ATF5: variants seen among roughly 807,000 people sequenced by gnomAD.
The protein encoded by ATF5 is activating transcription factor 5.
A neutral mutation model predicts 4.6 loss-of-function variants in ATF5; 6 were observed. That is an observed-to-expected ratio of 1.31 (90% CI 0.72 to 2.59). The LOEUF is 2.59. Ranked by LOEUF, ATF5 falls within the 30% of genes most tolerant of loss-of-function variation. The pLI, the probability that ATF5 is intolerant of heterozygous loss-of-function variation, is 0.00. For missense variants in ATF5, 410 were observed against 368.7 expected (o/e 1.11, Z -0.92); for synonymous variants, 193 against 165.0 (o/e 1.17, Z -1.30).
At chr19:49,930,048 C>T (rs2076032872) in intron 1 of ATF5, among the ~76,000 whole-genome samples, 1 of 152,106 alleles carries the variant, frequency 6.6e-6, no homozygotes, top group Non-Finnish European at 1.5e-5. Context: ...GATAGAACCA[C>T]TGTCGTCACG....
At position 49,932,560 on chromosome 19, in the gene ATF5, A is replaced by G. The variant is rs760951111; in HGVS notation, c.317A>G (p.Lys106Arg). ...PDLEAMASLL[K>R]KELEQMEDFF... ...CTGGAAGCTATGGCCTCCCTCCTCAAGAAGGAGCTGGAACAGATGGAAGAC... is the reference window on the plus strand; with the variant it reads ...CTGGAAGCTATGGCCTCCCTCCTCAGGAAGGAGCTGGAACAGATGGAAGAC... Residue 106 changes from lysine to arginine, a missense_variant, in exon 3 of 3, where the codon AAG (lysine) becomes AGG (arginine). Lys to Arg is a conservative substitution (Grantham distance 26, BLOSUM62 2). Coordinates refer to ENST00000423777, the MANE Select transcript of ATF5 (RefSeq NM_001193646.2). 6.3e-7 allele frequency: 1 copy of G among 1,580,456 alleles called. No individual in the cohort carries two copies. The highest frequency in any genetic ancestry group is 1.8e-5 in the Admixed American group (1 of 56,906).
chr19:49,932,601 C>A lies in ATF5; in HGVS notation c.358C>A (p.Pro120Thr). 6.4e-7 allele frequency: 1 copy of A among 1,570,484 alleles called. No homozygotes were observed. Among genetic ancestry groups the A allele is most frequent in the Non-Finnish European group, 8.6e-7 (1 of 1,159,044 alleles). The part of the protein sequence containing the change: ...EQMEDFFLDA[P>T]PLPPPSPPPL... ...GATGGAAGACTTCTTCCTAGATGCCCCGCCCCTCCCACCACCCTCCCCGCC... is the reference window on the plus strand; with the variant it reads ...GATGGAAGACTTCTTCCTAGATGCCACGCCCCTCCCACCACCCTCCCCGCC... The change falls in exon 3 of 3, where the codon CCG (proline) becomes ACG (threonine). Residue 120 changes from proline to threonine, a missense_variant. Pro to Thr is a conservative substitution (Grantham distance 38). Transcript: ENST00000423777.
At position 49,930,898 on chromosome 19, in the gene ATF5, C is replaced by G; in HGVS notation, c.48C>G (p.Leu16=). The G allele has an allele frequency of 6.2e-7, 1 of 1,611,132 alleles. No individual in the cohort carries two copies. Among genetic ancestry groups the G allele is most frequent in the Admixed American group, 1.7e-5 (1 of 59,684 alleles). Reference sequence around the variant, plus strand: ...GGCTGGAGCTGGACAGGGCCCTGCTCCCAGCTAGTGGGCTGGGATGGCTCG... The same window carrying G: ...GGCTGGAGCTGGACAGGGCCCTGCTGCCAGCTAGTGGGCTGGGATGGCTCG... ...TLGLELDRAL[L]PASGLGWLVD... is the part of the protein sequence containing the mutation. Residue 16 remains leucine, a synonymous_variant, in exon 2 of 3, where the codon CTC becomes CTG. Coordinates refer to ENST00000423777, the MANE Select transcript of ATF5 (RefSeq NM_001193646.2).
intron 1 of ATF5, 29 bp from the exon 2 acceptor site, chr19:49,930,703 C>T (rs2076045847): frequency 1.6e-6 from 1 of 613,390 alleles, no homozygotes; most frequent in Admixed American, 3.5e-5. Context: ...GCTGTCCTGA[C>T]CACACCCACT....
Position 49,930,723 on chromosome 19 carries a change from CG to C in ATF5, c.-119-8del. On this transcript the variant is annotated splice_region_variant and splice_polypyrimidine_tract_variant and intron_variant, in intron 1 of 2. Transcript: ENST00000423777. ...CCTGACCACACCCACTCTTGTCTCA[CG>C]CGTGTAGGTCTTCCACTTTCGCCTT... 1 of 738,870 alleles carries C rather than the reference CG, an allele frequency of 1.4e-6. No individual in the cohort carries two copies. Among genetic ancestry groups the C allele is most frequent in the Non-Finnish European group, 2.1e-6 (1 of 475,322 alleles). 45.8% of individuals were successfully genotyped at this position (738,870 alleles called of 1,614,324 possible).
At chr19:49,930,079 A>C (rs2076033328) in intron 1 of ATF5, 1 of 151,864 alleles carries the variant, frequency 6.6e-6, no homozygotes, top group Non-Finnish European at 1.5e-5. Context: ...TTTCGGAAGC[A>C]CATTGTGAGA....
At chr19:49,929,733 C>G (rs146753055) in intron 1 of ATF5, 1 of 152,156 alleles carries the variant, frequency 6.6e-6, no homozygotes, top group Non-Finnish European at 1.5e-5. Context: ...GAAAGAGCTG[C>G]GGACCCTGAA....
At chr19:49,930,171 A>AG (rs1368324717) in intron 1 of ATF5, 3 of 125,242 alleles carry the variant, frequency 2.4e-5, no homozygotes, top group Non-Finnish European at 5.2e-5. Flanking sequence ...GAATCGGGGG[A>AG]GGGGCGGAGC....
chr19:49,932,359 A>T, intron 2 of ATF5, 63 bp from the exon 3 acceptor site: 1 of 1,540,618 alleles, frequency 6.5e-7, no homozygotes, highest in South Asian at 1.1e-5. Flanking sequence ...GTGAGTCAGC[A>T]CCCAACTACG....
intron 2 of ATF5, among the ~76,000 whole-genome samples, chr19:49,932,067 G>T (rs778519629): frequency 6.6e-6 from 1 of 151,502 alleles, no homozygotes; most frequent in Non-Finnish European, 1.5e-5. Flanking sequence ...TGGCTAATTT[G>T]TTGGGTTTTG....
rs948910883 is a variant in ATF5, at chr19:49,933,104, T to G, written c.*12T>G. On this transcript the variant is annotated 3_prime_UTR_variant, in exon 3 of 3. Transcript: ENST00000423777. ...CCCGTAGCTGCTAGAAGGGCAGGGG[T>G]GTGGCTTCTGGGGGCTGGTCTTCAG... 6 of 1,562,792 alleles carry G rather than the reference T, an allele frequency of 3.8e-6. No homozygotes were observed. In the African/African-American group the frequency reaches 6.8e-5, roughly 18 times the overall value.
upstream of ATF5, chr19:49,929,171 G>T (rs905408194): frequency 6.8e-6 from 1 of 146,270 alleles, no homozygotes; most frequent in Non-Finnish European, 1.5e-5. Flanking sequence ...CCGCCACCCA[G>T]TATATATCTG....
At position 49,933,298 on chromosome 19, in the gene ATF5, T is replaced by TTA; in HGVS notation, c.*206_*207insTA. On this transcript the variant is annotated 3_prime_UTR_variant, in exon 3 of 3. Coordinates refer to ENST00000423777, the MANE Select transcript of ATF5 (RefSeq NM_001193646.2). Reference sequence around the variant, plus strand: ...CAACATAGTAAGACCCTGTCTCTATTAAAAAAAAAAAATCAACCCTTCTTC... The same window carrying TTA: ...CAACATAGTAAGACCCTGTCTCTATTTAAAAAAAAAAAAATCAACCCTTCTTC... 5.3e-6 allele frequency: 2 copies of TTA among 374,796 alleles called. No individual in the cohort carries two copies. The highest frequency in any genetic ancestry group is 4.4e-5 in the Admixed American group (1 of 22,760). The allele number at this position is 374,796 out of a possible 1,614,324, so 23.2% of individuals were successfully genotyped here. A position where few individuals can be genotyped will look rare whatever the true frequency, so the allele number is the denominator to read the frequency against.
Position 49,930,838 on chromosome 19 carries a change from C to G in ATF5, c.-13C>G, listed in dbSNP as rs760418727. 1 of 1,563,564 alleles carries G rather than the reference C, an allele frequency of 6.4e-7. No homozygotes were observed. Among genetic ancestry groups the G allele is most frequent in the African/African-American group, 1.4e-5 (1 of 73,546 alleles). ...TCCTGTTGCCATCAGTGCCCAGCAC[C>G]TGTGCTACAGCCATGTCACTCCTGG... On this transcript the variant is annotated 5_prime_UTR_variant, in exon 2 of 3. Coordinates refer to ENST00000423777, the MANE Select transcript of ATF5 (RefSeq NM_001193646.2).
intron 2 of ATF5, among the ~76,000 whole-genome samples, chr19:49,932,186 G>C (rs1360384630): frequency 2.6e-5 from 4 of 151,964 alleles, no homozygotes; most frequent in Non-Finnish European, 5.9e-5. Context: ...TTGGTTGGTT[G>C]GTTGGTTGGT....
At position 49,932,815 on chromosome 19, in the gene ATF5, C is replaced by T; in HGVS notation, c.572C>T (p.Pro191Leu). Residue 191 changes from proline (P) to leucine (L), a missense_variant, in exon 3 of 3, where the codon CCA (proline) becomes CTA (leucine). Transcript: ENST00000423777. ...PPPQQPPPPSPPQPSRLAPYP... is the reference protein window; with the variant it reads ...PPPQQPPPPSLPQPSRLAPYP... ...CCACAGCAGCCCCCTCCTCCTTCTC[C>T]ACCTCAACCTTCTCGCCTGGCCCCC... The T allele has an allele frequency of 6.2e-7, 1 of 1,609,580 alleles. No individual in the cohort carries two copies. Among genetic ancestry groups the T allele is most frequent in the Non-Finnish European group, 8.5e-7 (1 of 1,178,226 alleles).
rs368432247 is a variant in ATF5 at position 49,933,298 on chromosome 19, T to TAA, written c.*217_*218dup. Reference sequence around the variant, plus strand: ...CAACATAGTAAGACCCTGTCTCTATTAAAAAAAAAAAATCAACCCTTCTTC... The same window carrying TAA: ...CAACATAGTAAGACCCTGTCTCTATTAAAAAAAAAAAAAATCAACCCTTCTTC... On this transcript the variant is annotated 3_prime_UTR_variant, in exon 3 of 3. Transcript: ENST00000423777. 4.3e-5 allele frequency: 16 copies of TAA among 374,512 alleles called. No homozygotes were observed. The highest frequency in any genetic ancestry group is 7.6e-5 in the South Asian group (1 of 13,210). The allele number at this position is 374,512 out of a possible 1,614,324, so 23.2% of individuals were successfully genotyped here. A position where few individuals can be genotyped will look rare whatever the true frequency, so the allele number is the denominator to read the frequency against.
chr19:49,932,452 G>C lies in ATF5; in HGVS notation c.209G>C (p.Arg70Pro). 6.2e-7 allele frequency: 1 copy of C among 1,613,648 alleles called. No individual in the cohort carries two copies. The highest frequency in any genetic ancestry group is 8.5e-7 in the Non-Finnish European group (1 of 1,179,842). ...GGCTTCTCTGACTGGATGACTGAGC[G>C]AGTTGATTTCACAGCTCTCCTCCCT... The part of the protein sequence containing the change: ...GDGFSDWMTE[R>P]VDFTALLPLE... Residue 70 changes from arginine (R) to proline (P), a missense_variant, in exon 3 of 3, where the codon CGA becomes CCA. Transcript: ENST00000423777.
At chr19:49,930,305 G>A (rs1028935167) in intron 1 of ATF5, 1 of 152,120 alleles carries the variant, frequency 6.6e-6, no homozygotes, top group African/African-American at 2.4e-5. Context: ...GTTTGGGATG[G>A]AAGCTAGGAA....
Sources: allele counts gnomAD v4.1 joint callset (sites outside exome capture counted in the v4.1 genomes callset), GRCh38; gene constraint gnomAD v4.1.1; transcripts MANE v1.5; gene names NCBI Gene and HGNC (gene_info 2026-07-23, HGNC 2026-07-21).